Variants in CCBE1 observed in about 807,000 individuals in gnomAD.
The protein encoded by CCBE1 is collagen and calcium-binding EGF domain-containing protein 1.
In CCBE1, 37 loss-of-function variants were observed where a neutral mutation model predicts 50.0. The observed-to-expected ratio is 0.74, with a 90% confidence interval of 0.57 to 0.97. CCBE1 has a LOEUF of 0.97. Ranked by LOEUF, CCBE1 falls within the 50% of genes least tolerant of loss-of-function variation. The pLI is 0.00. For synonymous variants in CCBE1, 234 were observed against 203.7 expected (o/e 1.15, Z -1.27); for missense variants, 538 against 523.8 (o/e 1.03, Z -0.26).
At chr18:59,654,113 T>C (rs2054157940) in intron 2 of CCBE1, among the ~76,000 whole-genome samples, 1 of 152,240 alleles carries the variant, frequency 6.6e-6, no homozygotes, top group South Asian at 2.1e-4. Context: ...TTCTGTTTAA[T>C]GGCCAAGTAC....
At chr18:59,572,823 G>C (rs116894675) in intron 2 of CCBE1, among the ~76,000 whole-genome samples, 10 of 152,162 alleles carry the variant, frequency 6.6e-5, no homozygotes, top group Admixed American at 5.9e-4. Context: ...ACATTAAAGA[G>C]TATACGTGTG....
At chr18:59,675,301 C>G (rs1193799013) in intron 2 of CCBE1, among the ~76,000 whole-genome samples, 1 of 152,088 alleles carries the variant, frequency 6.6e-6, no homozygotes, top group Non-Finnish European at 1.5e-5. Context: ...GCATTGTGTA[C>G]CAACCATGGT....
Position 59,447,095 on chromosome 18 carries a change from G to A in CCBE1, c.775+888C>T, listed in dbSNP as rs79614713. Among the ~76,000 whole-genome samples, 510 of 152,114 alleles carry A rather than the reference G, an allele frequency of 3.4e-3. 1 individual carries two copies. Among genetic ancestry groups the A allele is most frequent in the African/African-American group, 0.012 (485 of 41,472 alleles). ...TTCCTGATGAAATGATAGGATGTTCGGGATTTTCATCCAATTAATAAGGGT... is the reference window on the plus strand; with the variant it reads ...TTCCTGATGAAATGATAGGATGTTCAGGATTTTCATCCAATTAATAAGGGT... On this transcript the variant is annotated intron_variant, in intron 7 of 10. Coordinates refer to ENST00000439986, the MANE Select transcript of CCBE1 (RefSeq NM_133459.4).
At chr18:59,688,842 G>A (rs191336768) in intron 2 of CCBE1, among the ~76,000 whole-genome samples, 1 of 152,174 alleles carries the variant, frequency 6.6e-6, no homozygotes, top group African/African-American at 2.4e-5. Flanking sequence ...GTGATACACA[G>A]GTAAGTGACC....
chr18:59,545,440 A>G (rs992713271), intron 2 of CCBE1, among the ~76,000 whole-genome samples: 7 of 152,206 alleles, frequency 4.6e-5, no homozygotes, highest in Non-Finnish European at 1.0e-4. Context: ...CACATAATGC[A>G]TATTATTCCA....
chr18:59,667,745 A>G (rs1336106685), intron 2 of CCBE1, among the ~76,000 whole-genome samples: 1 of 152,214 alleles, frequency 6.6e-6, no homozygotes, highest in Non-Finnish European at 1.5e-5. Flanking sequence ...GAGTCAGCCT[A>G]CAGAACTCAG....
intron 6 of CCBE1, among the ~76,000 whole-genome samples, chr18:59,454,124 T>TA (rs1266184526): frequency 6.6e-6 from 1 of 152,222 alleles, no homozygotes; most frequent in Non-Finnish European, 1.5e-5. Context: ...TATGGCAGTT[T>TA]ATAGAGACAA....
chr18:59,509,561 T>C (rs1212727962), intron 2 of CCBE1, among the ~76,000 whole-genome samples: 1 of 152,154 alleles, frequency 6.6e-6, no homozygotes, highest in Admixed American at 6.6e-5. Context: ...AACAAGAAAC[T>C]TGGTCCTTAA....
intron 2 of CCBE1, among the ~76,000 whole-genome samples, chr18:59,639,318 C>G (rs1310232583): frequency 6.6e-6 from 1 of 152,050 alleles, no homozygotes; most frequent in Non-Finnish European, 1.5e-5. Context: ...GGTTTTATCC[C>G]TAGGATGCAA....
At chr18:59,567,849 A>T (rs768380798) in intron 2 of CCBE1, among the ~76,000 whole-genome samples, 2 of 151,906 alleles carry the variant, frequency 1.3e-5, no homozygotes, top group Non-Finnish European at 2.9e-5. Flanking sequence ...AGGCCCAACA[A>T]CTCCTTCCAG....
At chr18:59,563,188 G>C (rs932126625) in intron 2 of CCBE1, among the ~76,000 whole-genome samples, 3 of 152,208 alleles carry the variant, frequency 2.0e-5, no homozygotes, top group African/African-American at 7.2e-5. Context: ...CTGAGCGAGA[G>C]ACACAAGATG....
At chr18:59,678,701 T>C (rs929879304) in intron 2 of CCBE1, among the ~76,000 whole-genome samples, 1 of 152,108 alleles carries the variant, frequency 6.6e-6, no homozygotes, top group African/African-American at 2.4e-5. Flanking sequence ...CTCAGCTAAC[T>C]TTTGAACTTT....
At chr18:59,529,351 T>C (rs1914957791) in intron 2 of CCBE1, among the ~76,000 whole-genome samples, 2 of 152,174 alleles carry the variant, frequency 1.3e-5, no homozygotes, top group African/African-American at 4.8e-5. Context: ...TGGAGCTCAG[T>C]TGCCTTAGGC....
intron 2 of CCBE1, chr18:59,685,830 T>C (rs2054646796): frequency 6.6e-6 from 1 of 152,240 alleles, no homozygotes; most frequent in African/African-American, 2.4e-5. Context: ...AGGACCGTGC[T>C]TCTCAACACT....
chr18:59,687,916 G>C (rs1342178216), intron 2 of CCBE1, among the ~76,000 whole-genome samples: 1 of 152,140 alleles, frequency 6.6e-6, no homozygotes, highest in African/African-American at 2.4e-5. Context: ...AGCTGAGATT[G>C]CACCACTGCC....
At chr18:59,462,631 AC>A in intron 5 of CCBE1, 1 of 151,418 alleles carries the variant, frequency 6.6e-6, no homozygotes, top group East Asian at 2.0e-4. Flanking sequence ...CGATCCTCCC[AC>A]CCTGGCCTCC....
At chr18:59,546,455 G>A (rs570529308) in intron 2 of CCBE1, among the ~76,000 whole-genome samples, 2 of 152,304 alleles carry the variant, frequency 1.3e-5, no homozygotes, top group East Asian at 3.9e-4. Flanking sequence ...TTTGTACAGT[G>A]GGGTTTTTAT....
At chr18:59,678,292 G>C (rs866041566) in intron 2 of CCBE1, among the ~76,000 whole-genome samples, 2 of 152,134 alleles carry the variant, frequency 1.3e-5, no homozygotes, top group African/African-American at 4.8e-5. Context: ...AAGGACCAGG[G>C]GGGTGTTGAG....
intron 2 of CCBE1, among the ~76,000 whole-genome samples, chr18:59,552,254 A>G (rs1006465298): frequency 6.6e-6 from 1 of 152,224 alleles, no homozygotes; most frequent in African/African-American, 2.4e-5. Flanking sequence ...AATGAAAGCC[A>G]CAAGGAGTTA....
Sources: gnomAD v4.1 joint callset for allele counts (sites outside exome capture counted in the v4.1 genomes callset) on GRCh38, gnomAD v4.1.1 for gene constraint, MANE v1.5 for transcripts, NCBI Gene and HGNC (gene_info 2026-07-23, HGNC 2026-07-21) for gene names.